Variants in DDX56 observed in about 807,000 individuals in gnomAD.
DDX56 encodes the protein DEAD-box helicase 56.
DDX56 carries 45 observed loss-of-function variants against 61.5 expected under a neutral mutation model. That is an observed-to-expected ratio of 0.73 (90% CI 0.58 to 0.94). The LOEUF is 0.94. Among genes scored for constraint, DDX56 ranks in the 40% least tolerant of loss-of-function variants. The pLI is 0.00. For synonymous variants in DDX56, 273 were observed against 268.3 expected (o/e 1.02, Z -0.17); for missense variants, 708 against 690.7 (o/e 1.02, Z -0.28).
intron 7 of DDX56, 83 bp downstream of exon 7, chr7:44,570,675 C>T: frequency 6.6e-7 from 1 of 1,522,386 alleles, no homozygotes; most frequent in Non-Finnish European, 8.9e-7. Context: ...GCTCCCTGCT[C>T]TGTGCACTCT....
Position 44,570,078 on chromosome 7 carries a change from A to G in DDX56, c.1061T>C (p.Val354Ala). ...AAGATCAAAGTTGAGCACAGCAGAC[A>G]CATGGTGGAAGTCTATGCCCCGGGC... ...GVARGIDFHH[V>A]SAVLNFDLPP... Residue 354 changes from valine to alanine, a missense_variant, in exon 8 of 14, where the codon GTG becomes GCG. Transcript: ENST00000258772. The G allele has an allele frequency of 2.5e-6, 4 of 1,614,156 alleles. No individual in the cohort carries two copies. Among genetic ancestry groups the G allele is most frequent in the Non-Finnish European group, 3.4e-6 (4 of 1,180,020 alleles).
At position 44,572,493 on chromosome 7, in the gene DDX56, C is replaced by T. The variant is rs1444871554; in HGVS notation, c.555-56G>A. 5 of 1,612,516 alleles carry T rather than the reference C, an allele frequency of 3.1e-6. No homozygotes were observed. In the East Asian group the frequency reaches 1.1e-4, roughly 36 times the overall value. On this transcript the variant is annotated intron_variant, in intron 4 of 13. Transcript: ENST00000258772. ...CTCCAAGGGCCGCTAATTGTAGTAA[C>T]TGGCTTCCAGCCACCCCGCTCTCGT...
At chr7:44,566,385 G>A in intron 13 of DDX56, 63 bp downstream of exon 13, 7 of 1,394,106 alleles carry the variant, frequency 5.0e-6, no homozygotes, top group Non-Finnish European at 7.0e-6. Context: ...CCACATTCTG[G>A]TGATGACAAA....
intron 13 of DDX56, 41 bp from the exon 14 acceptor site, chr7:44,566,120 C>A: frequency 2.2e-6 from 3 of 1,380,930 alleles, no homozygotes; most frequent in Non-Finnish European, 2.0e-6. Flanking sequence ...GGAATCAGGC[C>A]GACAGACAAT....
Position 44,573,582 on chromosome 7 carries a change from C to G in DDX56, c.222+1G>C. ...CTCCCCTCAGCTCTCTCGTTACCCA[C>G]CGCCTTCCTATGGAGCAACAGCTGC... On this transcript the variant is annotated splice_donor_variant, in intron 2 of 13. Transcript: ENST00000258772. LOFTEE classifies it high-confidence loss of function. The G allele has an allele frequency of 1.2e-6, 2 of 1,612,678 alleles. No individual in the cohort carries two copies. Among genetic ancestry groups the G allele is most frequent in the Non-Finnish European group, 1.7e-6 (2 of 1,179,032 alleles).
rs750048010 is a variant in DDX56 at position 44,570,102 on chromosome 7, G to A, written c.1037C>T (p.Ala346Val). The A allele has an allele frequency of 6.2e-7, 1 of 1,613,970 alleles. No homozygotes were observed. Residue 346 changes from alanine (A) to valine (V), a missense_variant, in exon 8 of 14, where the codon GCC becomes GTC. Physicochemically the swap from Ala to Val is moderately conservative, Grantham distance 64. Transcript: ENST00000258772. Reference sequence around the variant, plus strand: ...CACATGGTGGAAGTCTATGCCCCGGGCCACACCTGCTTCCGGATCAGAGGC... The same window carrying A: ...CACATGGTGGAAGTCTATGCCCCGGACCACACCTGCTTCCGGATCAGAGGC... ...DKASDPEAGV[A>V]RGIDFHHVSA... is the part of the protein sequence containing the mutation.
At chr7:44,567,698 G>C (rs1802577669) in intron 12 of DDX56, 1 of 277,062 alleles carries the variant, frequency 3.6e-6, no homozygotes, top group South Asian at 3.3e-5. Flanking sequence ...CTTACCCAGA[G>C]ACTCCACAGA....
In DDX56 at chr7:44,568,912, C is replaced by T. The variant is rs1356930267; in HGVS notation, c.1374G>A (p.Glu458=). The T allele has an allele frequency of 6.2e-7, 1 of 1,613,902 alleles. No individual in the cohort carries two copies. The highest frequency in any genetic ancestry group is 8.5e-7 in the Non-Finnish European group (1 of 1,179,926). Residue 458 remains glutamate (E), a synonymous_variant, in exon 11 of 14, where the codon GAG becomes GAA. Coordinates refer to ENST00000258772, the MANE Select transcript of DDX56 (RefSeq NM_019082.4). The part of the protein sequence containing the change: ...KEIKEELLHS[E]KLKTYFEDNP... Reference sequence around the variant, plus strand: ...CCTCCCATCCACTCACCTTAAGCTTCTCAGAATGCAGAAGCTCTTCCTTGA... The same window carrying T: ...CCTCCCATCCACTCACCTTAAGCTTTTCAGAATGCAGAAGCTCTTCCTTGA...
intron 11 of DDX56, 46 bp downstream of exon 11, chr7:44,568,857 G>A (rs1364281185): frequency 2.0e-6 from 3 of 1,523,692 alleles, no homozygotes; most frequent in East Asian, 4.5e-5. Context: ...CTCCAAAAAG[G>A]GCAGCCGTCT....
chr7:44,569,573 C>T (rs1328031953), intron 9 of DDX56, among the ~76,000 whole-genome samples: 1 of 152,162 alleles, frequency 6.6e-6, no homozygotes, highest in Non-Finnish European at 1.5e-5. Context: ...GTCACAGCAG[C>T]CTGTCAGGTC....
rs1304883329 is a variant in DDX56 at position 44,572,457 on chromosome 7, T to C, written c.555-20A>G. On this transcript the variant is annotated intron_variant, in intron 4 of 13. Coordinates refer to ENST00000258772, the MANE Select transcript of DDX56 (RefSeq NM_019082.4). ...AAGTGACTGAAATGAAAGAATCCAA[T>C]CAGATTCCAGCTCCAAGGGCCGCTA... 3 of 1,613,830 alleles carry C rather than the reference T, an allele frequency of 1.9e-6. No individual in the cohort carries two copies. The Admixed American group carries it at 5.0e-5, about 27-fold the overall frequency.
intron 11 of DDX56, 135 bp downstream of exon 11, chr7:44,568,768 G>A (rs1802600827): frequency 2.9e-6 from 2 of 680,478 alleles, no homozygotes; most frequent in African/African-American, 1.8e-5. Context: ...ATGATTCTGG[G>A]TCCATTTCCT....
chr7:44,568,258 ATCTT>A, intron 11 of DDX56, 35 bp from the exon 12 acceptor site: 1 of 1,486,100 alleles, frequency 6.7e-7, no homozygotes, highest in African/African-American at 1.4e-5. Context: ...CAGAGTGAGC[ATCTT>A]TCTTCTGTGA....
Position 44,565,915 on chromosome 7 carries a change from T to C in DDX56, c.*87A>G. ...GCCCCAGAACTGTCTGTTCAGGCTG[T>C]GCAGTAAGCACCAGAGCCTCGCCTG... On this transcript the variant is annotated 3_prime_UTR_variant, in exon 14 of 14. Transcript: ENST00000258772. The C allele has an allele frequency of 3.9e-6, 4 of 1,034,356 alleles. No individual in the cohort carries two copies. In the African/African-American group the frequency reaches 6.2e-5, roughly 16 times the overall value. The allele number at this position is 1,034,356 out of a possible 1,614,324, so 64.1% of individuals were successfully genotyped here. A position where few individuals can be genotyped will look rare whatever the true frequency, so the allele number is the denominator to read the frequency against.
chr7:44,571,172 G>A (rs1802659730), intron 6 of DDX56, among the ~76,000 whole-genome samples: 1 of 152,202 alleles, frequency 6.6e-6, no homozygotes, highest in African/African-American at 2.4e-5. Flanking sequence ...CTGAGTAGCT[G>A]GGATTACAGG....
In DDX56 at chr7:44,569,881, C is replaced by G. The variant is rs1015361319; in HGVS notation, c.1147G>C (p.Gly383Arg). ...AGRTARANNP[G>R]IVLTFVLPTE... is the part of the protein sequence containing the mutation. ...GGAAGCACAAAGGTTAAGACTATGCCTGGGTTGTTAGCGCGTGCTGTCCTG... is the reference window on the plus strand; with the variant it reads ...GGAAGCACAAAGGTTAAGACTATGCGTGGGTTGTTAGCGCGTGCTGTCCTG... The change falls in exon 9 of 14, where the codon GGC becomes CGC. Residue 383 changes from glycine to arginine, a missense_variant. Transcript: ENST00000258772. 6.2e-7 allele frequency: 1 copy of G among 1,611,372 alleles called. No homozygotes were observed. The highest frequency in any genetic ancestry group is 1.3e-5 in the African/African-American group (1 of 75,016).
Position 44,568,969 on chromosome 7 carries a change from C to G in DDX56, c.1317G>C (p.Lys439Asn), listed in dbSNP as rs1312099106. Residue 439 changes from lysine to asparagine, a missense_variant, in exon 11 of 14, where the codon AAG becomes AAC. Physicochemically the swap from Lys to Asn is moderately conservative, Grantham distance 94. Coordinates refer to ENST00000258772, the MANE Select transcript of DDX56 (RefSeq NM_019082.4). ...RCRDAMRSVT[K>N]QAIREARLKE... is the part of the protein sequence containing the mutation. ...TCAATCTTGCCTCCCGAATGGCCTG[C>G]TTAGTCACTGAGCGCATGGCATCCT... is the stretch of plus-strand genomic sequence containing the variant. 1 of 1,614,028 alleles carries G rather than the reference C, an allele frequency of 6.2e-7. No individual in the cohort carries two copies. The highest frequency in any genetic ancestry group is 8.5e-7 in the Non-Finnish European group (1 of 1,180,030).
intron 7 of DDX56, 97 bp from the exon 8 acceptor site, chr7:44,570,225 CAT>C: frequency 6.9e-7 from 1 of 1,455,066 alleles, no homozygotes; most frequent in Non-Finnish European, 9.3e-7. Flanking sequence ...GCCTGTAGAT[CAT>C]AAGACCCTGA....
intron 12 of DDX56, chr7:44,567,681 GACTGTTCTT>G (rs1802577191): frequency 3.9e-6 from 1 of 259,456 alleles, no homozygotes; most frequent in African/African-American, 2.3e-5. Flanking sequence ...TCTCCCTGCT[GACTGTTCTT>G]ACCCAGAGAC....
Sources: allele counts gnomAD v4.1 joint callset (sites outside exome capture counted in the v4.1 genomes callset), GRCh38; gene constraint gnomAD v4.1.1; transcripts MANE v1.5; gene names NCBI Gene and HGNC (gene_info 2026-07-23, HGNC 2026-07-21).